Variants in MYO15A observed in about 807,000 individuals in gnomAD.
MYO15A encodes unconventional myosin-XV.
In MYO15A, 308 loss-of-function variants were observed where a neutral mutation model predicts 394.6. The observed-to-expected ratio is 0.78, with a 90% CI of 0.71 to 0.86. The LOEUF (loss-of-function observed/expected upper bound fraction) is 0.86, where lower values mean the gene tolerates loss of function less well. Among genes scored for constraint, MYO15A ranks in the 40% least tolerant of loss-of-function variants. The pLI is 0.00. For synonymous variants in MYO15A, 1,957 were observed against 2,003.8 expected, an observed-to-expected ratio of 0.98 and a Z score of 0.62; for missense variants, 4,606 against 4,799.1, an observed-to-expected ratio of 0.96 and a Z score of 1.19.
intron 51 of MYO15A, 145 bp downstream of exon 51, chr17:18,158,045 A>T: frequency 8.1e-7 from 1 of 1,230,438 alleles, no homozygotes. Context: ...TGTGAGGGTG[A>T]ACCAGGTAGA....
rs752651569 is a variant in MYO15A, at chr17:18,124,530, CGGGGA to C, written c.3660_3664del (p.Glu1221TrpfsTer23). 1 of 1,613,206 alleles carries C rather than the reference CGGGGA, an allele frequency of 6.2e-7. No homozygotes were observed. The highest frequency in any genetic ancestry group is 2.2e-5 in the East Asian group (1 of 44,884). ...CATCCATGCGGTTCCGTGAGCAGCACGGGGAGGATGGTGTGGAGGACATGACACAG... is the reference window on the plus strand; with the variant it reads ...CATCCATGCGGTTCCGTGAGCAGCACGGATGGTGTGGAGGACATGACACAG... On this transcript the variant is annotated frameshift_variant, in exon 3 of 66. Transcript: ENST00000647165. LOFTEE classifies it high-confidence loss of function.
intron 12 of MYO15A, among the ~76,000 whole-genome samples, chr17:18,135,443 G>T (rs1001812129): frequency 2.6e-5 from 4 of 151,892 alleles, no homozygotes; most frequent in Non-Finnish European, 4.4e-5. Flanking sequence ...CCGGGTTCAA[G>T]CAATTCTCCT....
rs2142274411 is a variant in MYO15A at position 18,125,166 on chromosome 17, A to G, written c.3693-2A>G. 6.2e-7 allele frequency: 1 copy of G among 1,614,086 alleles called. No individual in the cohort carries two copies. The highest frequency in any genetic ancestry group is 8.5e-7 in the Non-Finnish European group (1 of 1,179,980). ...TGACGGCTTCTCTCTGTGTCCTTCTAGAGACCTCCAGGAAACCACTGTGCT... is the reference window on the plus strand; with the variant it reads ...TGACGGCTTCTCTCTGTGTCCTTCTGGAGACCTCCAGGAAACCACTGTGCT... On this transcript the variant is annotated splice_acceptor_variant, in intron 3 of 65. Coordinates refer to ENST00000647165, the MANE Select transcript of MYO15A (RefSeq NM_016239.4). LOFTEE classifies it high-confidence loss of function.
At position 18,135,853 on chromosome 17, in the gene MYO15A, C is replaced by A. The variant is rs758521539; in HGVS notation, c.4596+29C>A. 3.1e-6 allele frequency: 5 copies of A among 1,593,372 alleles called. No individual in the cohort carries two copies. The South Asian group carries it at 5.6e-5, about 18-fold the overall frequency. ...AGTCTGTGGGCATCTGGCCTTCGAA[C>A]AAAGCTTTCTACCAGGGCCTGGACA... On this transcript the variant is annotated intron_variant, in intron 13 of 65. Transcript: ENST00000647165.
intron 12 of MYO15A, 114 bp downstream of exon 12, chr17:18,133,500 T>C: frequency 7.3e-7 from 1 of 1,377,158 alleles, no homozygotes; most frequent in East Asian, 2.4e-5. Context: ...CACTTGTTCC[T>C]GTTTTTTTCT....
intron 57 of MYO15A, 79 bp from the exon 58 acceptor site, chr17:18,162,506 C>A (rs1406879299): frequency 7.7e-7 from 1 of 1,293,710 alleles, no homozygotes; most frequent in East Asian, 2.4e-5. Context: ...GCAGTGGGCT[C>A]ATGGTTGGTG....
At chr17:18,139,318 G>T in intron 18 of MYO15A, 1 of 644,152 alleles carries the variant, frequency 1.6e-6, no homozygotes, top group South Asian at 1.8e-5. Context: ...TTTCTCATCT[G>T]TAGAATGGGC....
chr17:18,171,631 TAC>T lies in MYO15A; in HGVS notation c.10083-3_10083-2del, dbSNP rs992143252. ...TCAGGACCTTTTTCCCCTTCCTCCG[TAC>T]ACAGGCGGGAAGTCCAGGAGTACAT... is the stretch of plus-strand genomic sequence containing the variant. On this transcript the variant is annotated splice_region_variant and splice_polypyrimidine_tract_variant and intron_variant, in intron 62 of 65. Transcript: ENST00000647165. 1.2e-6 allele frequency: 2 copies of T among 1,613,774 alleles called. No homozygotes were observed. The highest frequency in any genetic ancestry group is 2.7e-5 in the African/African-American group (2 of 74,924).
chr17:18,119,271 C>T lies in MYO15A; in HGVS notation c.471C>T (p.Asp157=), dbSNP rs769531391. The change falls in exon 2 of 66, where the codon GAC becomes GAT. Residue 157 remains aspartate (D), a synonymous_variant. Coordinates refer to ENST00000647165, the MANE Select transcript of MYO15A (RefSeq NM_016239.4). ...EESGSEQATV[D]AWLQRSSSRM... ...CGGGCAGCGAACAGGCCACAGTGGA[C>T]GCCTGGCTGCAGCGCTCGAGCTCCC... 2 of 1,612,168 alleles carry T rather than the reference C, an allele frequency of 1.2e-6. No individual in the cohort carries two copies. Among genetic ancestry groups the T allele is most frequent in the Non-Finnish European group, 1.7e-6 (2 of 1,179,856 alleles).
chr17:18,151,577 G>A (rs921358569), intron 40 of MYO15A, 50 bp downstream of exon 40: 1 of 1,610,436 alleles, frequency 6.2e-7, no homozygotes, highest in African/African-American at 1.3e-5. Context: ...CTGTACCTGA[G>A]TGTCCATCAT....
intron 3 of MYO15A, 57 bp downstream of exon 3, chr17:18,124,622 C>A: frequency 6.5e-7 from 1 of 1,545,198 alleles, no homozygotes; most frequent in Non-Finnish European, 8.9e-7. Context: ...CCCCACCCTC[C>A]CAGCCAGAGC....
intron 15 of MYO15A, 69 bp from the exon 16 acceptor site, chr17:18,137,515 G>A: frequency 4.2e-6 from 6 of 1,438,480 alleles, no homozygotes; most frequent in Non-Finnish European, 5.8e-6. Flanking sequence ...GTTGCCACCA[G>A]GGAAGGTAGG....
At chr17:18,169,157 T>TAATAATAAA (rs369888022) in intron 62 of MYO15A, among the ~76,000 whole-genome samples, 6,096 of 91,450 alleles carry the variant, frequency 0.067, 177 homozygotes, top group East Asian at 0.1. Flanking sequence ...ATAATAATAA[T>TAATAATAAA]AAAAATAGGC....
At chr17:18,118,379 G>A (rs949352164) in intron 1 of MYO15A, among the ~76,000 whole-genome samples, 8 of 152,188 alleles carry the variant, frequency 5.3e-5, no homozygotes, top group Admixed American at 5.2e-4. Context: ...GTGGCTCAAT[G>A]TCTTCCTCTG....
chr17:18,177,495 G>A (rs2047030659), intron 65 of MYO15A: 1 of 152,250 alleles, frequency 6.6e-6, no homozygotes, highest in Admixed American at 6.5e-5. Flanking sequence ...ATGGCAGCAT[G>A]TAGGTAGGTA....
At position 18,148,356 on chromosome 17, in the gene MYO15A, G is replaced by T. The variant is rs2046517061; in HGVS notation, c.6692-140G>T. The stretch of plus-strand genomic sequence containing the variant: ...TCTGCGTGAAAGTCTGTGTGTGGGG[G>T]TGGGACCTGGCCCAGGAAAGGGGAG... On this transcript the variant is annotated intron_variant, in intron 31 of 65. Coordinates refer to ENST00000647165, the MANE Select transcript of MYO15A (RefSeq NM_016239.4). This position sits in a 1 kb window ranked among gnomAD's most constrained non-coding sequence, Gnocchi z 4.8. The T allele has an allele frequency of 2.1e-6, 3 of 1,448,612 alleles. No individual in the cohort carries two copies. The highest frequency in any genetic ancestry group is 1.2e-5 in the South Asian group (1 of 81,628). The allele number at this position is 1,448,612 out of a possible 1,614,324, so 89.7% of individuals were successfully genotyped here. A position where few individuals can be genotyped will look rare whatever the true frequency, so the allele number is the denominator to read the frequency against.
In MYO15A at chr17:18,120,805, C is replaced by A; in HGVS notation, c.2005C>A (p.Pro669Thr). The A allele has an allele frequency of 7.8e-7, 1 of 1,276,850 alleles. No homozygotes were observed. Among genetic ancestry groups the A allele is most frequent in the Non-Finnish European group, 9.9e-7 (1 of 1,013,600 alleles). The allele number at this position is 1,276,850 out of a possible 1,614,324, so 79.1% of individuals were successfully genotyped here. A position where few individuals can be genotyped will look rare whatever the true frequency, so the allele number is the denominator to read the frequency against. Residue 669 changes from proline (P) to threonine (T), a missense_variant, in exon 2 of 66, where the codon CCC (proline) becomes ACC (threonine). By Grantham distance (38) the Pro-to-Thr change is conservative. Coordinates refer to ENST00000647165, the MANE Select transcript of MYO15A (RefSeq NM_016239.4). Reference protein sequence around the residue: ...ALLSPPVPPRPPSSGPPPAPP... With the variant: ...ALLSPPVPPRTPSSGPPPAPP... Reference sequence around the variant, plus strand: ...CCTGTCTCCGCCCGTGCCCCCGCGGCCCCCAAGCTCCGGGCCCCCGCCCGC... The same window carrying A: ...CCTGTCTCCGCCCGTGCCCCCGCGGACCCCAAGCTCCGGGCCCCCGCCCGC...
Position 18,119,974 on chromosome 17 carries a change from A to G in MYO15A, c.1174A>G (p.Ile392Val). 6.2e-7 allele frequency: 1 copy of G among 1,613,580 alleles called. No homozygotes were observed. The highest frequency in any genetic ancestry group is 1.1e-5 in the South Asian group (1 of 91,084). ...EGVYGGGDEA[I>V]YPPEVPYFYP... ...CGTCTATGGCGGTGGGGACGAGGCC[A>G]TCTACCCCCCCGAGGTGCCCTATTT... The change falls in exon 2 of 66, where the codon ATC becomes GTC. Residue 392 changes from isoleucine to valine, a missense_variant. By Grantham distance (29) the Ile-to-Val change is conservative. Transcript: ENST00000647165.
Position 18,143,885 on chromosome 17 carries a change from A to G in MYO15A, c.6062A>G (p.Gln2021Arg). 6.3e-7 allele frequency: 1 copy of G among 1,586,846 alleles called. No homozygotes were observed. Among genetic ancestry groups the G allele is most frequent in the Non-Finnish European group, 8.6e-7 (1 of 1,165,528 alleles). ...LQAVAGLGLAQVPQVAPVRTP... is the reference protein window; with the variant it reads ...LQAVAGLGLARVPQVAPVRTP... ...CTTTCCACAGGCCTCGGGCTGGCCC[A>G]GGTGCCTCAGGTGGCCCCTGTGAGG... The change falls in exon 28 of 66, where the codon CAG becomes CGG. Residue 2021 changes from glutamine to arginine, a missense_variant. This residue lies in a region of MYO15A where 2,776 missense variants were observed against 3,109.3 expected (regional missense o/e 0.89). Transcript: ENST00000647165.
Sources: gnomAD v4.1 joint callset for allele counts (sites outside exome capture counted in the v4.1 genomes callset) on GRCh38, gnomAD v4.1.1 for gene constraint, gnomAD v4.1.1 regional missense constraint, Gnocchi (gnomAD v3.1) non-coding constraint, MANE v1.5 for transcripts, NCBI Gene and HGNC (gene_info 2026-07-23, HGNC 2026-07-21) for gene names.